The following HYDIN variants were observed in gnomAD, a reference collection of about 807,000 sequenced individuals.
HYDIN encodes the protein axonemal central pair apparatus protein HYDIN.
In HYDIN, 132 loss-of-function variants were observed where a neutral mutation model predicts 403.9. The ratio of observed to expected loss-of-function variants is 0.33; its 90% CI spans 0.28 to 0.38. The LOEUF (loss-of-function observed/expected upper bound fraction) is 0.38, where lower values mean the gene tolerates loss of function less well. Among genes scored for constraint, HYDIN ranks in the 10% least tolerant of loss-of-function variants. The probability of loss-of-function intolerance (pLI) is 1.00; values close to 1 mark genes in which losing one functional copy is unlikely to be tolerated. For synonymous variants in HYDIN, 1,202 were observed against 1,891.7 expected, an observed-to-expected ratio of 0.64 and a Z score of 9.46; for missense variants, 2,827 against 5,009.5, an observed-to-expected ratio of 0.56 and a Z score of 13.15.
chr16:70,933,441 C>G (rs141453862), intron 45 of HYDIN: 1 of 146,250 alleles, frequency 6.8e-6, no homozygotes, highest in Non-Finnish European at 1.5e-5. Flanking sequence ...GAAGAAGTGT[C>G]AGGAGCCATG....
chr16:70,837,913 C>A (rs369323007), intron 76 of HYDIN, 25 bp from the exon 77 acceptor site: 4 of 1,602,732 alleles, frequency 2.5e-6, no homozygotes, highest in South Asian at 2.2e-5. Context: ...GAGGAAGAGG[C>A]GTAAGCTCCA....
rs1226815651 is a variant in HYDIN, at chr16:70,966,735, G to A, written c.5620-1839C>T. Among the ~76,000 whole-genome samples the A allele has an allele frequency of 3.9e-5, 6 of 152,178 alleles. No homozygotes were observed. The East Asian group carries it at 5.8e-4, about 15-fold the overall frequency. On this transcript the variant is annotated intron_variant, in intron 36 of 85. Coordinates refer to ENST00000393567, the MANE Select transcript of HYDIN (RefSeq NM_001270974.2). ...TCAAAAGTCACAGATAAATGGTTACGAATGTTTGAATACTCAGAGAATGTC... is the reference window on the plus strand; with the variant it reads ...TCAAAAGTCACAGATAAATGGTTACAAATGTTTGAATACTCAGAGAATGTC...
intron 18 of HYDIN, among the ~76,000 whole-genome samples, chr16:71,051,336 A>G (rs1447649059): frequency 1.3e-5 from 2 of 152,034 alleles, no homozygotes; most frequent in African/African-American, 4.8e-5. Context: ...AAAACCTATA[A>G]GAGATGTTAT....
At chr16:71,176,518 C>T (rs2086677212) in intron 4 of HYDIN, among the ~76,000 whole-genome samples, 1 of 152,076 alleles carries the variant, frequency 6.6e-6, no homozygotes, top group Non-Finnish European at 1.5e-5. Flanking sequence ...CATTTTGACT[C>T]CCATGCTACA....
At chr16:71,110,499 A>T (rs2083788514) in intron 10 of HYDIN, among the ~76,000 whole-genome samples, 1 of 142,758 alleles carries the variant, frequency 7.0e-6, no homozygotes, top group African/African-American at 2.6e-5. Context: ...TATATATTTC[A>T]TATATATATA....
At chr16:70,871,221 T>A (rs1343581006) in intron 65 of HYDIN, among the ~76,000 whole-genome samples, 1 of 151,788 alleles carries the variant, frequency 6.6e-6, no homozygotes, top group Non-Finnish European at 1.5e-5. Flanking sequence ...GAACTTTACA[T>A]CACTCCAAAA....
intron 71 of HYDIN, 94 bp downstream of exon 71, chr16:70,859,974 T>G (rs1417645001): frequency 1.5e-5 from 18 of 1,231,694 alleles, no homozygotes; most frequent in Non-Finnish European, 2.1e-5. Flanking sequence ...AGGCAGTTCT[T>G]CCTAATTCCA....
intron 83 of HYDIN, among the ~76,000 whole-genome samples, chr16:70,820,851 G>A (rs1193760085): frequency 1.1e-4 from 16 of 152,134 alleles, no homozygotes; most frequent in African/African-American, 3.6e-4. Context: ...GTTTCACCAC[G>A]TTGGCCAGGC....
intron 12 of HYDIN, among the ~76,000 whole-genome samples, chr16:71,082,131 C>T (rs111882193): frequency 2.0e-5 from 3 of 151,540 alleles, no homozygotes; most frequent in East Asian, 1.9e-4. Flanking sequence ...CCAGAACCTA[C>T]GATATTAACT....
chr16:70,982,128 C>CA (rs777603836), intron 28 of HYDIN, among the ~76,000 whole-genome samples: 739 of 65,854 alleles, frequency 0.011, 3 homozygotes, highest in African/African-American at 0.033. Context: ...ACTCCGTCTC[C>CA]AAAAAAAAAA....
At position 71,069,472 on chromosome 16, in the gene HYDIN, T is replaced by C. The variant is rs751843294; in HGVS notation, c.1769A>G (p.Asn590Ser). 3 of 1,613,832 alleles carry C rather than the reference T, an allele frequency of 1.9e-6. No homozygotes were observed. The South Asian group carries it at 3.3e-5, about 18-fold the overall frequency. Residue 590 changes from asparagine to serine, a missense_variant, in exon 14 of 86, where the codon AAT (asparagine) becomes AGT (serine). Transcript: ENST00000393567. ...GFPHTLICSL[N>S]NTSLIPMTYK... ...AGTCATGGGGATCAAAGAGGTATTA[T>C]TGAGGGAACATATCAAGGTATGAGG...
chr16:70,898,775 G>T (rs2076278850), intron 53 of HYDIN, among the ~76,000 whole-genome samples: 1 of 149,288 alleles, frequency 6.7e-6, no homozygotes, highest in Non-Finnish European at 1.5e-5. Flanking sequence ...ACAGAGTCTT[G>T]CTCTCTTGCC....
chr16:70,885,048 C>CT (rs2041048713), intron 58 of HYDIN, among the ~76,000 whole-genome samples: 1 of 152,120 alleles, frequency 6.6e-6, no homozygotes, highest in African/African-American at 2.4e-5. Context: ...GGGGGACCAG[C>CT]TGTCCATGAA....
intron 75 of HYDIN, among the ~76,000 whole-genome samples, chr16:70,841,649 G>A (rs936630471): frequency 7.9e-5 from 12 of 152,138 alleles, no homozygotes; most frequent in African/African-American, 2.4e-4. Flanking sequence ...TGCCATCACC[G>A]TAGGAGTGCG....
At chr16:70,984,895 C>G (rs1319623755) in intron 28 of HYDIN, among the ~76,000 whole-genome samples, 1 of 151,264 alleles carries the variant, frequency 6.6e-6, no homozygotes, top group Non-Finnish European at 1.5e-5. Context: ...GTGAAGACAT[C>G]GGTGGAAATA....
At chr16:71,043,869 A>C (rs2081365970) in intron 18 of HYDIN, among the ~76,000 whole-genome samples, 1 of 150,928 alleles carries the variant, frequency 6.6e-6, no homozygotes. Context: ...TGGGAGGATT[A>C]TTTCAGCCCA....
intron 67 of HYDIN, among the ~76,000 whole-genome samples, chr16:70,863,526 C>A (rs1239968392): frequency 6.6e-6 from 1 of 152,160 alleles, no homozygotes; most frequent in Non-Finnish European, 1.5e-5. Flanking sequence ...CAAGACAGCA[C>A]CTCCCTCAGG....
rs199706377 is a variant in HYDIN at position 70,894,474 on chromosome 16, G to A, written c.9223C>T (p.Arg3075Cys). 2.3e-3 allele frequency: 3,641 copies of A among 1,594,362 alleles called. 5 individuals are homozygous for A. The highest frequency in any genetic ancestry group is 2.8e-3 in the Non-Finnish European group (3,292 of 1,172,516). ...CTGAACGCGATCTCATATTTCCCAC[G>A]GTTCTTCAATTGCAGGGGCTGCTTC... is the stretch of plus-strand genomic sequence containing the variant. ...EAKQPLQLKNRGKYEIAFSFS... is the reference protein window; with the variant it reads ...EAKQPLQLKNCGKYEIAFSFS... Residue 3075 changes from arginine to cysteine, a missense_variant, in exon 55 of 86, where the codon CGT (arginine) becomes TGT (cysteine). Transcript: ENST00000393567.
At chr16:71,046,783 C>T in intron 18 of HYDIN, among the ~76,000 whole-genome samples, 1 of 152,130 alleles carries the variant, frequency 6.6e-6, no homozygotes, top group Non-Finnish European at 1.5e-5. Context: ...TCTTGTTTTT[C>T]TTCATTACAT....
Sources: gnomAD v4.1 joint callset for allele counts (sites outside exome capture counted in the v4.1 genomes callset) on GRCh38, gnomAD v4.1.1 for gene constraint, MANE v1.5 for transcripts, NCBI Gene and HGNC (gene_info 2026-07-23, HGNC 2026-07-21) for gene names.